The following PDE1A variants were observed in gnomAD, a reference collection of about 807,000 sequenced individuals.
PDE1A encodes dual specificity calcium/calmodulin-dependent 3',5'-cyclic nucleotide phosphodiesterase 1A.
A neutral mutation model predicts 61.7 loss-of-function variants in PDE1A; 35 were observed. The observed-to-expected ratio is 0.57, with a 90% CI of 0.43 to 0.75. The LOEUF is 0.75. PDE1A is among the 30% of genes least tolerant of loss of function. The pLI is 0.00. For missense variants in PDE1A, 597 were observed against 630.6 expected (o/e 0.95, Z 0.57); for synonymous variants, 232 against 213.2 (o/e 1.09, Z -0.77).
intron 2 of PDE1A, among the ~76,000 whole-genome samples, chr2:182,490,232 T>C (rs1688293598): frequency 6.6e-6 from 1 of 152,068 alleles, no homozygotes; most frequent in Non-Finnish European, 1.5e-5. Flanking sequence ...TATAAAAAAA[T>C]TATTAGAGTG....
the PDE1A span, among the ~76,000 whole-genome samples, chr2:182,583,092 A>C: frequency 6.6e-6 from 1 of 152,184 alleles, no homozygotes; most frequent in Non-Finnish European, 1.5e-5. Flanking sequence ...ACAAAGAAAC[A>C]GCTGCTTGTT....
chr2:182,559,805 C>T, the PDE1A span, among the ~76,000 whole-genome samples: 16 of 152,146 alleles, frequency 1.1e-4, no homozygotes, highest in African/African-American at 3.9e-4. Context: ...CAGAATTAAT[C>T]ATTTACAACT....
At chr2:182,697,672 G>A in the PDE1A span, among the ~76,000 whole-genome samples, 1 of 152,258 alleles carries the variant, frequency 6.6e-6, no homozygotes, top group South Asian at 2.1e-4. Context: ...GTGAGAAGCA[G>A]ACCAAGAGAG....
intron 1 of PDE1A, among the ~76,000 whole-genome samples, chr2:182,411,809 C>T (rs1249042270): frequency 1.3e-5 from 2 of 152,026 alleles, no homozygotes; most frequent in Admixed American, 1.3e-4. Flanking sequence ...GCCTGTAATC[C>T]CAGCACTTTG....
At chr2:182,515,770 A>C (rs569493850) in intron 2 of PDE1A, among the ~76,000 whole-genome samples, 1 of 152,328 alleles carries the variant, frequency 6.6e-6, no homozygotes, top group East Asian at 1.9e-4. Flanking sequence ...TTGACATTTG[A>C]AATGAATCCA....
At chr2:182,590,948 T>C in the PDE1A span, among the ~76,000 whole-genome samples, 1 of 152,198 alleles carries the variant, frequency 6.6e-6, no homozygotes, top group African/African-American at 2.4e-5. Flanking sequence ...CCTGTGTCTA[T>C]TTTTGCTCAC....
chr2:182,497,088 G>A (rs1315868181), intron 2 of PDE1A, among the ~76,000 whole-genome samples: 1 of 152,078 alleles, frequency 6.6e-6, no homozygotes, highest in Non-Finnish European at 1.5e-5. Flanking sequence ...TTAAATTATT[G>A]AAAAACTTTA....
At chr2:182,567,022 C>A in the PDE1A span, among the ~76,000 whole-genome samples, 2 of 152,078 alleles carry the variant, frequency 1.3e-5, no homozygotes, top group Non-Finnish European at 2.9e-5. Context: ...GTTAAAAGCC[C>A]TGGATAAGTC....
chr2:182,347,472 TATTAAA>T (rs1698589201), intron 1 of PDE1A, among the ~76,000 whole-genome samples: 1 of 152,154 alleles, frequency 6.6e-6, no homozygotes, highest in Admixed American at 6.5e-5. Flanking sequence ...CCATTTCATT[TATTAAA>T]ATTATGTTTC....
chr2:182,302,274 T>C lies in PDE1A; in HGVS notation c.54-37860A>G, dbSNP rs1263103331. On this transcript the variant is annotated intron_variant, in intron 1 of 13. Transcript: ENST00000351439. Reference sequence around the variant, plus strand: ...TTGCACATGGTAAGATAGATTGCAATAGAAATAATACCCCTACGAGAAACC... The same window carrying C: ...TTGCACATGGTAAGATAGATTGCAACAGAAATAATACCCCTACGAGAAACC... Among the ~76,000 whole-genome samples, 4 of 152,166 alleles carry C rather than the reference T, an allele frequency of 2.6e-5. No individual in the cohort carries two copies. In the East Asian group the frequency reaches 5.8e-4, roughly 22 times the overall value.
intron 1 of PDE1A, among the ~76,000 whole-genome samples, chr2:182,275,628 T>C (rs1195542571): frequency 2.0e-5 from 3 of 152,116 alleles, no homozygotes; most frequent in Non-Finnish European, 2.9e-5. Context: ...TTGATGTTGA[T>C]TAAAGGGCCA....
At chr2:182,369,073 T>A (rs1164284031) in intron 1 of PDE1A, among the ~76,000 whole-genome samples, 1 of 152,140 alleles carries the variant, frequency 6.6e-6, no homozygotes, top group East Asian at 1.9e-4. Flanking sequence ...CAGGAACCAT[T>A]GTATATATCA....
upstream of PDE1A, chr2:182,427,093 C>G: frequency 1.1e-6 from 1 of 878,778 alleles, no homozygotes; most frequent in Non-Finnish European, 1.4e-6. Context: ...TTTTTTTCTT[C>G]AAAATAAAAG....
the PDE1A span, among the ~76,000 whole-genome samples, chr2:182,681,498 G>A: frequency 6.8e-6 from 1 of 146,808 alleles, no homozygotes; most frequent in Admixed American, 6.8e-5. Flanking sequence ...GCTTTTTTGT[G>A]CACAAAAAAA....
At chr2:182,386,081 G>A (rs530921015) in intron 1 of PDE1A, among the ~76,000 whole-genome samples, 10 of 152,302 alleles carry the variant, frequency 6.6e-5, no homozygotes, top group Admixed American at 4.6e-4. Flanking sequence ...TCCTAACCGC[G>A]AGTGATCCGC....
At chr2:182,209,977 C>T (rs1378241449) in intron 7 of PDE1A, among the ~76,000 whole-genome samples, 3 of 152,166 alleles carry the variant, frequency 2.0e-5, no homozygotes, top group Non-Finnish European at 4.4e-5. Flanking sequence ...CGATTGATAG[C>T]TAATTTCCTT....
At chr2:182,144,142 G>T (rs1690370591), downstream of PDE1A, among the ~76,000 whole-genome samples, 1 of 152,148 alleles carries the variant, frequency 6.6e-6, no homozygotes, top group South Asian at 2.1e-4. Context: ...AGCAACAAAT[G>T]ATCAATTTTG....
chr2:182,519,787 C>T (rs67977270), intron 2 of PDE1A, among the ~76,000 whole-genome samples: 10,004 of 151,884 alleles, frequency 0.066, 353 homozygotes, highest in Middle Eastern at 0.1. Flanking sequence ...ATGATTTCTA[C>T]ATTTAAGGCA....
intron 1 of PDE1A, among the ~76,000 whole-genome samples, chr2:182,378,193 A>G (rs1038808638): frequency 3.3e-5 from 5 of 152,208 alleles, no homozygotes; most frequent in Admixed American, 2.0e-4. Context: ...AACAACATGA[A>G]TTATCTCAAA....
Sources: gnomAD v4.1 joint callset for allele counts (sites outside exome capture counted in the v4.1 genomes callset) on GRCh38, gnomAD v4.1.1 for gene constraint, MANE v1.5 for transcripts, NCBI Gene and HGNC (gene_info 2026-07-23, HGNC 2026-07-21) for gene names.